Variants in SYBU observed in about 807,000 individuals in gnomAD.
SYBU encodes the protein GOLSYN A protein.
A neutral mutation model predicts 35.9 loss-of-function variants in SYBU; 21 were observed. The observed-to-expected ratio is 0.58, with a 90% CI of 0.41 to 0.84. SYBU has a LOEUF of 0.84. SYBU is among the 40% of genes least tolerant of loss of function. The probability of loss-of-function intolerance (pLI) is 0.00; values close to 1 mark genes in which losing one functional copy is unlikely to be tolerated. For missense variants in SYBU, 768 were observed against 848.2 expected (o/e 0.91, Z 1.17); for synonymous variants, 319 against 324.3 (o/e 0.98, Z 0.18).
At chr8:109,632,913 T>A (rs1233443405) in intron 2 of SYBU, among the ~76,000 whole-genome samples, 2 of 152,218 alleles carry the variant, frequency 1.3e-5, no homozygotes, top group Non-Finnish European at 2.9e-5. Context: ...AGGGCAGGAA[T>A]AGCCATGCCG....
intron 2 of SYBU, among the ~76,000 whole-genome samples, chr8:109,626,952 G>A (rs143282719): frequency 1.3e-5 from 2 of 152,300 alleles, no homozygotes; most frequent in African/African-American, 4.8e-5. Flanking sequence ...TTTCTTCAAA[G>A]TCCAAGAAGC....
At chr8:109,637,329 T>G (rs892400613) in intron 2 of SYBU, among the ~76,000 whole-genome samples, 5 of 152,226 alleles carry the variant, frequency 3.3e-5, no homozygotes, top group African/African-American at 1.2e-4. Context: ...TAATTTGCTT[T>G]CAGACATAGT....
chr8:109,596,999 A>G (rs1397370194), intron 3 of SYBU, among the ~76,000 whole-genome samples: 2 of 152,190 alleles, frequency 1.3e-5, no homozygotes, highest in Admixed American at 1.3e-4. Flanking sequence ...TAAAACTAGA[A>G]TCTCTGTTTT....
chr8:109,638,309 G>C (rs922434548), intron 2 of SYBU, among the ~76,000 whole-genome samples: 1 of 152,158 alleles, frequency 6.6e-6, no homozygotes, highest in African/African-American at 2.4e-5. Context: ...TAGGTCATCG[G>C]CTTTTCTAAC....
chr8:109,664,803 G>T lies in SYBU; in HGVS notation c.-129+15908C>A, dbSNP rs57321191. 5.1e-3 allele frequency among the ~76,000 whole-genome samples: 782 copies of T among 152,266 alleles called. 5 individuals are homozygous for T. The highest frequency in any genetic ancestry group is 0.017 in the African/African-American group (701 of 41,550). On this transcript the variant is annotated intron_variant, in intron 1 of 5. Coordinates refer to the SYBU transcript ENST00000408889. ...TGGGAGGAATGGTTTGGAAGAACCTGCTAGGGAAGTAGAAGGTTGCTGGAG... is the reference window on the plus strand; with the variant it reads ...TGGGAGGAATGGTTTGGAAGAACCTTCTAGGGAAGTAGAAGGTTGCTGGAG...
At chr8:109,673,781 C>A (rs1321060923) in intron 1 of SYBU, among the ~76,000 whole-genome samples, 2 of 152,040 alleles carry the variant, frequency 1.3e-5, no homozygotes, top group Admixed American at 1.3e-4. Context: ...AGCTAAGAAC[C>A]TTGAAAAAAC....
intron 1 of SYBU, among the ~76,000 whole-genome samples, chr8:109,666,726 C>A (rs186034553): frequency 3.4e-4 from 51 of 150,548 alleles, no homozygotes; most frequent in African/African-American, 1.3e-3. Flanking sequence ...CCAGCCTAGG[C>A]AACAGAGACT....
Position 109,652,901 on chromosome 8 carries a change from A to T in SYBU, c.-129+27810T>A, listed in dbSNP as rs574594652. ...CTAGGTAACATCTCTGTATCTTGGTATTCTTATTTGTAAAATACATGCGTG... is the reference window on the plus strand; with the variant it reads ...CTAGGTAACATCTCTGTATCTTGGTTTTCTTATTTGTAAAATACATGCGTG... On this transcript the variant is annotated intron_variant, in intron 1 of 5. Transcript: ENST00000408889. 4.6e-5 allele frequency among the ~76,000 whole-genome samples: 7 copies of T among 152,296 alleles called. No homozygotes were observed. The East Asian group carries it at 1.2e-3, about 25-fold the overall frequency.
chr8:109,663,779 A>C (rs536758552), intron 1 of SYBU, among the ~76,000 whole-genome samples: 68 of 152,120 alleles, frequency 4.5e-4, no homozygotes, highest in African/African-American at 1.3e-3. Context: ...AAAACATGCC[A>C]GTGGTATTTT....
At chr8:109,686,698 A>G (rs897391533) in intron 1 of SYBU, among the ~76,000 whole-genome samples, 6 of 141,816 alleles carry the variant, frequency 4.2e-5, no homozygotes, top group African/African-American at 1.7e-4. Context: ...AATAAGTTGA[A>G]CCTAAATTGA....
chr8:109,583,817 T>TTTAC (rs1465825264), intron 4 of SYBU, among the ~76,000 whole-genome samples: 2 of 152,142 alleles, frequency 1.3e-5, no homozygotes, highest in East Asian at 3.8e-4. Flanking sequence ...TATTTATTTA[T>TTTAC]TTACTTATTT....
At chr8:109,592,574 C>T (rs1471578991) in intron 3 of SYBU, among the ~76,000 whole-genome samples, 1 of 152,210 alleles carries the variant, frequency 6.6e-6, no homozygotes, top group Non-Finnish European at 1.5e-5. Flanking sequence ...ACCCAGTTCA[C>T]TCCTGTACCT....
intron 3 of SYBU, among the ~76,000 whole-genome samples, chr8:109,602,802 G>C (rs1037114850): frequency 1.3e-5 from 2 of 152,130 alleles, no homozygotes; most frequent in Non-Finnish European, 2.9e-5. Context: ...GGCAATTTCT[G>C]GCATCTGTAG....
At chr8:109,592,732 A>C (rs1052588764) in intron 3 of SYBU, among the ~76,000 whole-genome samples, 1 of 152,258 alleles carries the variant, frequency 6.6e-6, no homozygotes, top group African/African-American at 2.4e-5. Flanking sequence ...AGAAGTAGCT[A>C]TAAAGCCCAG....
At chr8:109,636,549 T>C (rs908567199) in intron 2 of SYBU, among the ~76,000 whole-genome samples, 3 of 152,196 alleles carry the variant, frequency 2.0e-5, no homozygotes, top group African/African-American at 7.2e-5. Flanking sequence ...AAACATGTTT[T>C]GGCGAAGGCT....
At chr8:109,581,884 C>T (rs867200909) in intron 4 of SYBU, among the ~76,000 whole-genome samples, 2 of 152,282 alleles carry the variant, frequency 1.3e-5, no homozygotes, top group African/African-American at 2.4e-5. Flanking sequence ...AAATGAACGC[C>T]GCTCTTCTCT....
At position 109,600,012 on chromosome 8, in the gene SYBU, A is replaced by G. The variant is rs573517975; in HGVS notation, c.428-13850T>C. On this transcript the variant is annotated intron_variant, in intron 3 of 6. Transcript: ENST00000276646. ...AGGTCTCAGTTTAGCCTTGAGCTTT[A>G]CTTCCTTCAGGAAGGGGATTAGGTG... Among the ~76,000 whole-genome samples the G allele has an allele frequency of 2.0e-5, 3 of 152,228 alleles. No individual in the cohort carries two copies. In the South Asian group the frequency reaches 6.2e-4, roughly 32 times the overall value.
intron 3 of SYBU, among the ~76,000 whole-genome samples, chr8:109,607,465 C>G (rs897672694): frequency 6.6e-6 from 1 of 152,100 alleles, no homozygotes; most frequent in Non-Finnish European, 1.5e-5. Flanking sequence ...ACACAGAGGC[C>G]CACTTCAAAC....
chr8:109,678,090 CG>C (rs1563777944), intron 1 of SYBU, among the ~76,000 whole-genome samples: 1 of 136,540 alleles, frequency 7.3e-6, no homozygotes, highest in African/African-American at 2.8e-5. Flanking sequence ...GCTGAGATCG[CG>C]CCATTGCACT....
Sources: gnomAD v4.1 joint callset for allele counts (sites outside exome capture counted in the v4.1 genomes callset) on GRCh38, gnomAD v4.1.1 for gene constraint, MANE v1.5 for transcripts, NCBI Gene and HGNC (gene_info 2026-07-23, HGNC 2026-07-21) for gene names.